The following GRID2 variants were observed in gnomAD, a reference collection of about 807,000 sequenced individuals.
GRID2 encodes glutamate ionotropic receptor delta type subunit 2.
A neutral mutation model predicts 114.8 loss-of-function variants in GRID2; 33 were observed. That is an observed-to-expected ratio of 0.29 (90% CI 0.22 to 0.38). GRID2 has a LOEUF of 0.38. Ranked by LOEUF, GRID2 falls within the 10% of genes least tolerant of loss-of-function variation. GRID2 has a pLI of 1.00. For missense variants in GRID2, 1,184 were observed against 1,257.7 expected (o/e 0.94, Z 0.89); for synonymous variants, 505 against 449.9 (o/e 1.12, Z -1.55).
chr4:93,742,232 C>A (rs1239296997), intron 14 of GRID2, among the ~76,000 whole-genome samples: 1 of 152,028 alleles, frequency 6.6e-6, no homozygotes, highest in East Asian at 1.9e-4. Flanking sequence ...TAGTTATGCC[C>A]AATAAGTGCC....
Position 93,675,922 on chromosome 4 carries a change from G to A in GRID2, c.2360+49487G>A, listed in dbSNP as rs1040570549. On this transcript the variant is annotated intron_variant, in intron 14 of 15. Coordinates refer to ENST00000282020, the MANE Select transcript of GRID2 (RefSeq NM_001510.4). ...CAGAGGTTGGAAACAATTTTCACGC[G>A]TCACTGAAAGATAGCTTCCTTCAAC... Among the ~76,000 whole-genome samples, 36 of 152,154 alleles carry A rather than the reference G, an allele frequency of 2.4e-4. 1 individual carries two copies. Among genetic ancestry groups the A allele is most frequent in the African/African-American group, 6.3e-4 (26 of 41,432 alleles).
intron 2 of GRID2, among the ~76,000 whole-genome samples, chr4:92,876,891 G>A (rs1745676157): frequency 6.6e-6 from 1 of 152,096 alleles, no homozygotes; most frequent in Non-Finnish European, 1.5e-5. Context: ...ATATAGAAGT[G>A]AGAAGTAAAC....
At chr4:93,485,567 A>G (rs1255805576) in intron 11 of GRID2, among the ~76,000 whole-genome samples, 1 of 151,736 alleles carries the variant, frequency 6.6e-6, no homozygotes, top group Admixed American at 6.6e-5. Context: ...GTATGAGTTA[A>G]GAGACAAGTT....
rs527502665 is a variant in GRID2, at chr4:93,438,920, A to G, written c.1545+15952A>G. Among the ~76,000 whole-genome samples, 4 of 148,644 alleles carry G rather than the reference A, an allele frequency of 2.7e-5. No individual in the cohort carries two copies. The South Asian group carries it at 8.6e-4, about 32-fold the overall frequency. On this transcript the variant is annotated intron_variant, in intron 10 of 15. Transcript: ENST00000282020. ...ATTGTTCAATTCCCACCTATGAGTG[A>G]GAATATGCGGTGTTTGGTTTTTTGT...
At chr4:92,956,194 C>T (rs1752396986) in intron 2 of GRID2, among the ~76,000 whole-genome samples, 1 of 152,176 alleles carries the variant, frequency 6.6e-6, no homozygotes, top group African/African-American at 2.4e-5. Flanking sequence ...TCCTAGAGAA[C>T]AGTGCACTTG....
At chr4:93,624,452 T>G (rs1742508381) in intron 13 of GRID2, among the ~76,000 whole-genome samples, 2 of 152,170 alleles carry the variant, frequency 1.3e-5, no homozygotes, top group African/African-American at 4.8e-5. Context: ...GTAATAGGCT[T>G]GCTGTTGTTT....
intron 14 of GRID2, among the ~76,000 whole-genome samples, chr4:93,679,847 C>G (rs1402311470): frequency 6.6e-6 from 1 of 150,762 alleles, no homozygotes; most frequent in African/African-American, 2.5e-5. Context: ...AATTGACACC[C>G]TAACATCACA....
chr4:92,342,932 G>A (rs917931225), intron 1 of GRID2, among the ~76,000 whole-genome samples: 2 of 152,106 alleles, frequency 1.3e-5, no homozygotes, highest in Non-Finnish European at 2.9e-5. Flanking sequence ...TGTACACCAC[G>A]AATGAATGGG....
chr4:93,042,865 G>C (rs1161284255), intron 2 of GRID2, among the ~76,000 whole-genome samples: 3 of 151,388 alleles, frequency 2.0e-5, no homozygotes, highest in Non-Finnish European at 4.4e-5. Context: ...ATTAGGCCAA[G>C]TAGCCACTCT....
chr4:92,534,299 G>C (rs370614237), intron 1 of GRID2, among the ~76,000 whole-genome samples: 1 of 152,084 alleles, frequency 6.6e-6, no homozygotes, highest in African/African-American at 2.4e-5. Context: ...TTGCAAAAGT[G>C]ACTGGATGAT....
chr4:93,122,372 T>C (rs1733854985), intron 4 of GRID2, among the ~76,000 whole-genome samples: 1 of 152,158 alleles, frequency 6.6e-6, no homozygotes, highest in South Asian at 2.1e-4. Context: ...AAGCTTCCAA[T>C]ACCCATTAAT....
intron 2 of GRID2, among the ~76,000 whole-genome samples, chr4:92,609,840 A>G (rs1348748934): frequency 2.0e-5 from 3 of 151,616 alleles, no homozygotes; most frequent in Non-Finnish European, 4.4e-5. Flanking sequence ...GATGCAGTTT[A>G]TCTGCATATT....
intron 1 of GRID2, among the ~76,000 whole-genome samples, chr4:92,427,810 A>G (rs898481000): frequency 9.2e-5 from 14 of 152,324 alleles, no homozygotes; most frequent in African/African-American, 3.4e-4. Flanking sequence ...TATCTTAATG[A>G]ATGCAAAGTT....
At chr4:93,769,600 T>G in intron 15 of GRID2, 150 bp downstream of exon 15, 7 of 698,424 alleles carry the variant, frequency 1.0e-5, no homozygotes, top group Non-Finnish European at 1.6e-5. Flanking sequence ...ATATAAAAAT[T>G]GGTAAGATCA....
At chr4:93,048,163 C>T (rs1726343230) in intron 2 of GRID2, among the ~76,000 whole-genome samples, 1 of 151,962 alleles carries the variant, frequency 6.6e-6, no homozygotes, top group Non-Finnish European at 1.5e-5. Flanking sequence ...TCACGTGTGC[C>T]CCACTGTCAG....
At chr4:92,721,260 T>C (rs1359474474) in intron 2 of GRID2, among the ~76,000 whole-genome samples, 4 of 151,796 alleles carry the variant, frequency 2.6e-5, no homozygotes, top group African/African-American at 9.7e-5. Flanking sequence ...ATATGCTTAA[T>C]GTCACTAAGC....
At chr4:92,969,155 A>G (rs1254441988) in intron 2 of GRID2, among the ~76,000 whole-genome samples, 1 of 151,606 alleles carries the variant, frequency 6.6e-6, no homozygotes, top group Non-Finnish European at 1.5e-5. Context: ...AATTATGTTC[A>G]GCTAGAGTAA....
chr4:93,459,643 A>T (rs1723551899), intron 11 of GRID2, among the ~76,000 whole-genome samples: 1 of 152,166 alleles, frequency 6.6e-6, no homozygotes, highest in Admixed American at 6.5e-5. Context: ...TTTTCAGTGT[A>T]TGATTTCAAC....
At chr4:93,549,024 G>T (rs943800637) in intron 13 of GRID2, among the ~76,000 whole-genome samples, 55 of 152,066 alleles carry the variant, frequency 3.6e-4, no homozygotes, top group African/African-American at 1.3e-3. Flanking sequence ...CAAGTCCCTT[G>T]AAATTCATTT....
Sources: allele counts gnomAD v4.1 joint callset (sites outside exome capture counted in the v4.1 genomes callset), GRCh38; gene constraint gnomAD v4.1.1; transcripts MANE v1.5; gene names NCBI Gene and HGNC (gene_info 2026-07-23, HGNC 2026-07-21).